The following CC2D2B variants were observed in gnomAD, a reference collection of about 807,000 sequenced individuals.
CC2D2B encodes protein CC2D2B.
A neutral mutation model predicts 161.2 loss-of-function variants in CC2D2B; 128 were observed. That is an observed-to-expected ratio of 0.79 (90% confidence interval 0.69 to 0.92). The LOEUF (loss-of-function observed/expected upper bound fraction) is 0.92. Among genes scored for constraint, CC2D2B ranks in the 40% least tolerant of loss-of-function variants. The pLI is 0.00. For missense variants in CC2D2B, 1,173 were observed against 1,375.1 expected, an observed-to-expected ratio of 0.85 and a Z score of 2.32; for synonymous variants, 391 against 449.8, an observed-to-expected ratio of 0.87 and a Z score of 1.65.
At chr10:95,934,470 C>G in intron 6 of CC2D2B, among the ~76,000 whole-genome samples, 1 of 151,530 alleles carries the variant, frequency 6.6e-6, no homozygotes, top group East Asian at 2.0e-4. Context: ...AACAAAAAAA[C>G]CTCTTGAAGC....
chr10:95,951,070 C>T (rs183280812), intron 10 of CC2D2B, among the ~76,000 whole-genome samples: 133 of 152,264 alleles, frequency 8.7e-4, no homozygotes, highest in Non-Finnish European at 1.4e-3. Flanking sequence ...CTGCCTAACT[C>T]GGCCTCCCAA....
intron 5 of CC2D2B, among the ~76,000 whole-genome samples, chr10:95,926,669 G>T (rs1231778980): frequency 3.3e-5 from 5 of 152,010 alleles, no homozygotes; most frequent in Non-Finnish European, 5.9e-5. Context: ...ATATGTGTGT[G>T]AGAAAGAAGT....
intron 25 of CC2D2B, among the ~76,000 whole-genome samples, chr10:96,006,161 G>T (rs1229264309): frequency 2.0e-5 from 3 of 150,866 alleles, no homozygotes; most frequent in African/African-American, 7.3e-5. Flanking sequence ...ATTCCTCCAG[G>T]ACTACAGTTT....
chr10:95,997,006 A>T (rs1406767333), intron 24 of CC2D2B, among the ~76,000 whole-genome samples: 1 of 152,140 alleles, frequency 6.6e-6, no homozygotes, highest in African/African-American at 2.4e-5. Flanking sequence ...ACCTTCCACT[A>T]TGTGAAGACA....
At chr10:95,977,018 GGGATTAC>G (rs1214491101) in intron 17 of CC2D2B, among the ~76,000 whole-genome samples, 1 of 152,128 alleles carries the variant, frequency 6.6e-6, no homozygotes, top group Non-Finnish European at 1.5e-5. Flanking sequence ...CCAAAGTGTT[GGGATTAC>G]AGGCATGAGC....
chr10:95,985,911 C>T (rs948663798), intron 19 of CC2D2B, among the ~76,000 whole-genome samples: 4 of 152,252 alleles, frequency 2.6e-5, no homozygotes, highest in African/African-American at 4.8e-5. Flanking sequence ...TCTCCCGTAG[C>T]GCTCCCAGGC....
intron 2 of CC2D2B, among the ~76,000 whole-genome samples, chr10:95,913,149 C>T (rs2098509625): frequency 1.3e-5 from 2 of 151,058 alleles, no homozygotes; most frequent in South Asian, 2.1e-4. Flanking sequence ...ATTATACTCT[C>T]TATTTCCGTG....
At chr10:95,924,450 A>T in intron 4 of CC2D2B, 60 bp downstream of exon 4, 1 of 938,444 alleles carries the variant, frequency 1.1e-6, no homozygotes, top group Non-Finnish European at 1.6e-6. Flanking sequence ...CATTTAACAC[A>T]ATCAAGTTTT....
intron 19 of CC2D2B, among the ~76,000 whole-genome samples, chr10:95,984,951 G>GA (rs921002796): frequency 6.6e-6 from 1 of 151,542 alleles, no homozygotes; most frequent in Non-Finnish European, 1.5e-5. Context: ...TTGAAAATTC[G>GA]AAAAAATTTT....
intron 24 of CC2D2B, among the ~76,000 whole-genome samples, chr10:96,003,764 T>C (rs1389966209): frequency 6.6e-6 from 1 of 152,170 alleles, no homozygotes; most frequent in Non-Finnish European, 1.5e-5. Context: ...CCGTAAATTC[T>C]GTATTTAAAG....
chr10:96,020,176 T>C (rs1021049288), intron 32 of CC2D2B: 3 of 167,392 alleles, frequency 1.8e-5, no homozygotes, highest in Non-Finnish European at 2.5e-5. Flanking sequence ...AGTAGAAAAA[T>C]TGACAAAAAG....
At chr10:96,024,830 C>A (rs1408019191) in intron 32 of CC2D2B, 23 bp from the exon 33 acceptor site, 1 of 1,378,862 alleles carries the variant, frequency 7.3e-7, no homozygotes, top group Admixed American at 2.0e-5. Context: ...AGAATCTATT[C>A]TAACTTTGGT....
rs2076540161 is a variant in CC2D2B at position 95,955,461 on chromosome 10, A to T, written c.1079A>T (p.Lys360Ile). 1 of 398,304 alleles carries T rather than the reference A, an allele frequency of 2.5e-6. No individual in the cohort carries two copies. The highest frequency in any genetic ancestry group is 4.4e-6 in the Non-Finnish European group (1 of 225,622). 24.7% of individuals were successfully genotyped at this position (398,304 alleles called of 1,614,324 possible). Residue 360 changes from lysine (K) to isoleucine (I), a missense_variant, in exon 11 of 35, where the codon AAA (lysine) becomes ATA (isoleucine). Coordinates refer to ENST00000646931, the MANE Select transcript of CC2D2B (RefSeq NM_001349008.3). ...ENSEINQLTRKSLQDYYWQIS... is the reference protein window; with the variant it reads ...ENSEINQLTRISLQDYYWQIS... ...TCAGAAATTAACCAGCTGACCAGAA[A>T]ATCTTTACAAGATTATTATTGGCAA...
chr10:96,001,652 T>G (rs2078503596), intron 24 of CC2D2B, among the ~76,000 whole-genome samples: 1 of 152,204 alleles, frequency 6.6e-6, no homozygotes, highest in South Asian at 2.1e-4. Flanking sequence ...ATGCCATTAT[T>G]TCAAATTAGG....
intron 6 of CC2D2B, among the ~76,000 whole-genome samples, chr10:95,934,177 T>G (rs1255205313): frequency 6.6e-6 from 1 of 152,152 alleles, no homozygotes; most frequent in Admixed American, 6.5e-5. Context: ...TTGTTTACAC[T>G]GTAAGGGGAA....
At chr10:96,022,221 T>C (rs2141930131) in intron 32 of CC2D2B, among the ~76,000 whole-genome samples, 1 of 152,254 alleles carries the variant, frequency 6.6e-6, no homozygotes, top group Non-Finnish European at 1.5e-5. Context: ...CTCAGGAGGC[T>C]GAGGCAGGAG....
At position 95,965,887 on chromosome 10, in the gene CC2D2B, A is replaced by T; in HGVS notation, c.1251-9A>T. ...TCTGCTTTCAATAATTCTGTTTATT[A>T]TTAATTAGGATTAAAATGAATAAAT... On this transcript the variant is annotated splice_polypyrimidine_tract_variant and intron_variant, in intron 12 of 34. Coordinates refer to ENST00000646931, the MANE Select transcript of CC2D2B (RefSeq NM_001349008.3). The T allele has an allele frequency of 9.2e-7, 1 of 1,084,610 alleles. No homozygotes were observed. Among genetic ancestry groups the T allele is most frequent in the Non-Finnish European group, 1.2e-6 (1 of 854,546 alleles). 67.2% of individuals were successfully genotyped at this position (1,084,610 alleles called of 1,614,324 possible).
chr10:96,013,512 A>T (rs1484586918), intron 28 of CC2D2B, among the ~76,000 whole-genome samples: 1 of 151,278 alleles, frequency 6.6e-6, no homozygotes, highest in Non-Finnish European at 1.5e-5. Context: ...TACTAAATAA[A>T]TAAATATAAA....
At chr10:95,982,443 G>A (rs1042419747) in intron 18 of CC2D2B, among the ~76,000 whole-genome samples, 1 of 152,108 alleles carries the variant, frequency 6.6e-6, no homozygotes. Context: ...TGAAGATACC[G>A]AGATGATTTA....
Sources: gnomAD v4.1 joint callset for allele counts (sites outside exome capture counted in the v4.1 genomes callset) on GRCh38, gnomAD v4.1.1 for gene constraint, MANE v1.5 for transcripts, NCBI Gene and HGNC (gene_info 2026-07-23, HGNC 2026-07-21) for gene names.